Variants in SVIL observed in about 807,000 individuals in gnomAD.
The protein encoded by SVIL is supervillin, also known as archvillin.
SVIL carries 101 observed loss-of-function variants against 240.4 expected under a neutral mutation model. That is an observed-to-expected ratio of 0.42 (90% CI 0.36 to 0.50). The LOEUF is 0.50. Among genes scored for constraint, SVIL ranks in the 20% least tolerant of loss-of-function variants. The pLI is 0.01. For missense variants in SVIL, 2,512 were observed against 2,818.7 expected (o/e 0.89, Z 2.46); for synonymous variants, 999 against 1,100.0 (o/e 0.91, Z 1.82).
intron 7 of SVIL, 47 bp downstream of exon 7, chr10:29,535,942 A>G (rs758963243): frequency 6.3e-7 from 1 of 1,589,142 alleles, no homozygotes; most frequent in Non-Finnish European, 8.6e-7. Context: ...AGGCAGGAGG[A>G]AGCAACACTC....
intron 3 of SVIL, among the ~76,000 whole-genome samples, chr10:29,556,339 T>G (rs1045690774): frequency 6.6e-6 from 1 of 152,132 alleles, no homozygotes; most frequent in Non-Finnish European, 1.5e-5. Flanking sequence ...AAAGGCTGAG[T>G]CACAGGAGAA....
intron 6 of SVIL, among the ~76,000 whole-genome samples, chr10:29,544,147 T>C (rs1417016760): frequency 6.6e-6 from 1 of 152,208 alleles, no homozygotes; most frequent in African/African-American, 2.4e-5. Flanking sequence ...CAAAGTGAAG[T>C]CAAATGCAGC....
intron 1 of SVIL, among the ~76,000 whole-genome samples, chr10:29,617,050 G>C (rs1957451439): frequency 1.3e-5 from 2 of 152,160 alleles, no homozygotes; most frequent in East Asian, 3.9e-4. Flanking sequence ...ACCAGAGATG[G>C]AGATGAGTCT....
intron 29 of SVIL, among the ~76,000 whole-genome samples, chr10:29,479,207 TC>T (rs1215444162): frequency 6.6e-6 from 1 of 152,100 alleles, no homozygotes; most frequent in Non-Finnish European, 1.5e-5. Flanking sequence ...GCTGCCCACA[TC>T]CTGTGCTGGA....
At chr10:29,619,651 G>T (rs1177913682) in intron 1 of SVIL, among the ~76,000 whole-genome samples, 2 of 152,006 alleles carry the variant, frequency 1.3e-5, no homozygotes, top group Non-Finnish European at 2.9e-5. Flanking sequence ...CATACAATAT[G>T]ATATGGTTTC....
intron 1 of SVIL, among the ~76,000 whole-genome samples, chr10:29,708,680 A>G (rs1377668697): frequency 6.6e-6 from 1 of 152,178 alleles, no homozygotes; most frequent in Non-Finnish European, 1.5e-5. Flanking sequence ...TAACCATAAA[A>G]CATGCAAATA....
chr10:29,686,144 C>G (rs953116498), intron 2 of SVIL, among the ~76,000 whole-genome samples: 2 of 152,166 alleles, frequency 1.3e-5, no homozygotes, highest in Admixed American at 1.3e-4. Context: ...AAAAAATAAA[C>G]TGATACTTTC....
chr10:29,518,168 A>G lies in SVIL; in HGVS notation c.3389+4242T>C, dbSNP rs572622417. Among the ~76,000 whole-genome samples, 7 of 152,350 alleles carry G rather than the reference A, an allele frequency of 4.6e-5. No homozygotes were observed. In the South Asian group the frequency reaches 1.2e-3, roughly 27 times the overall value. On this transcript the variant is annotated intron_variant, in intron 16 of 37. Transcript: ENST00000355867. ...GTTGGGAGGCCTAGACGGGTGGATCACTGGAGGTCAGGAGTTTGACACCAG... is the reference window on the plus strand; with the variant it reads ...GTTGGGAGGCCTAGACGGGTGGATCGCTGGAGGTCAGGAGTTTGACACCAG...
chr10:29,726,945 C>A (rs552611813), intron 1 of SVIL, among the ~76,000 whole-genome samples: 2 of 152,196 alleles, frequency 1.3e-5, no homozygotes, highest in South Asian at 4.2e-4. Flanking sequence ...ACAAATGTAT[C>A]CGCCACTGTA....
At chr10:29,531,557 T>G (rs951936644) in intron 9 of SVIL, among the ~76,000 whole-genome samples, 2 of 152,220 alleles carry the variant, frequency 1.3e-5, no homozygotes, top group African/African-American at 4.8e-5. Flanking sequence ...ATGACAATTT[T>G]CCAGACAAAT....
chr10:29,506,919 A>G (rs1052287507), intron 17 of SVIL, among the ~76,000 whole-genome samples: 2 of 152,160 alleles, frequency 1.3e-5, no homozygotes, highest in Non-Finnish European at 2.9e-5. Flanking sequence ...GCATTCATGG[A>G]AAAGTGGATG....
At chr10:29,710,866 G>A (rs1360009934) in intron 1 of SVIL, among the ~76,000 whole-genome samples, 3 of 152,166 alleles carry the variant, frequency 2.0e-5, no homozygotes, top group Non-Finnish European at 4.4e-5. Context: ...CAGGCAAAGA[G>A]ATGTGGCATC....
intron 1 of SVIL, among the ~76,000 whole-genome samples, chr10:29,608,772 G>A (rs1394667688): frequency 2.0e-5 from 3 of 152,230 alleles, no homozygotes; most frequent in Admixed American, 1.3e-4. Flanking sequence ...TGCCATGGAT[G>A]GCATGTTGAT....
intron 1 of SVIL, among the ~76,000 whole-genome samples, chr10:29,616,853 G>C (rs1957444945): frequency 6.6e-6 from 1 of 152,202 alleles, no homozygotes; most frequent in African/African-American, 2.4e-5. Flanking sequence ...CTCTTGGGTA[G>C]CTGGGACTAT....
chr10:29,490,435 G>GA (rs1183717987), intron 22 of SVIL, among the ~76,000 whole-genome samples: 1 of 151,970 alleles, frequency 6.6e-6, no homozygotes, highest in Non-Finnish European at 1.5e-5. Context: ...CTAACTTCCA[G>GA]AAAAAAACTC....
intron 1 of SVIL, among the ~76,000 whole-genome samples, chr10:29,605,835 T>G (rs1957000629): frequency 6.6e-6 from 1 of 151,796 alleles, no homozygotes. Context: ...TTTCTTAATT[T>G]TAAATCAGTT....
At chr10:29,529,991 T>C in intron 11 of SVIL, 147 bp from the exon 12 acceptor site, 1 of 757,986 alleles carries the variant, frequency 1.3e-6, no homozygotes. Flanking sequence ...GGCAACAAAG[T>C]GAGACCCCCT....
intron 27 of SVIL, 146 bp from the exon 28 acceptor site, chr10:29,481,874 C>CT (rs1946895048): frequency 1.6e-5 from 12 of 765,830 alleles, no homozygotes; most frequent in Non-Finnish European, 2.5e-5. Context: ...GTTTATTTTC[C>CT]TGCATTTTAC....
chr10:29,489,016 G>A (rs534176017), intron 22 of SVIL, among the ~76,000 whole-genome samples: 9 of 152,372 alleles, frequency 5.9e-5, no homozygotes, highest in African/African-American at 2.2e-4. Flanking sequence ...ACTGAGTGAT[G>A]ACGTGGACCA....
Sources: allele counts gnomAD v4.1 joint callset (sites outside exome capture counted in the v4.1 genomes callset), GRCh38; gene constraint gnomAD v4.1.1; transcripts MANE v1.5; gene names NCBI Gene and HGNC (gene_info 2026-07-23, HGNC 2026-07-21).